The following TGS1 variants were observed in gnomAD, a reference collection of about 807,000 sequenced individuals.
TGS1 encodes trimethylguanosine synthase 1.
In TGS1, 69 loss-of-function variants were observed where a neutral mutation model predicts 92.2. That is an observed-to-expected ratio of 0.75 (90% CI 0.62 to 0.91). TGS1 has a LOEUF of 0.91. Among genes scored for constraint, TGS1 ranks in the 40% least tolerant of loss-of-function variants. TGS1 has a pLI of 0.00. For synonymous variants in TGS1, 345 were observed against 338.1 expected, an observed-to-expected ratio of 1.02 and a Z score of -0.22; for missense variants, 1,062 against 1,001.2, an observed-to-expected ratio of 1.06 and a Z score of -0.82.
rs777247343 is a variant in TGS1, at chr8:55,799,039, TAAA to T, written c.1672_1674del (p.Lys558del). On this transcript the variant is annotated inframe_deletion, in exon 8 of 13. Transcript: ENST00000260129. The stretch of plus-strand genomic sequence containing the variant: ...ATTCAGAGGAACAAGACATGTCTGT[TAAA>T]AAAGGTGATGACCTACTGGAGACTA... The T allele has an allele frequency of 1.2e-6, 2 of 1,614,150 alleles. No homozygotes were observed. Among genetic ancestry groups the T allele is most frequent in the Non-Finnish European group, 1.7e-6 (2 of 1,180,034 alleles).
At chr8:55,798,205 G>T (rs1812115039) in intron 7 of TGS1, among the ~76,000 whole-genome samples, 1 of 152,150 alleles carries the variant, frequency 6.6e-6, no homozygotes, top group South Asian at 2.1e-4. Context: ...CTGGGTTGTT[G>T]CCCATCATGT....
chr8:55,803,157 A>G (rs1812270017), intron 9 of TGS1, among the ~76,000 whole-genome samples: 2 of 151,972 alleles, frequency 1.3e-5, no homozygotes, highest in Admixed American at 6.6e-5. Context: ...GTGTATTTTT[A>G]AAATTTCAGA....
At chr8:55,780,375 A>G (rs1811530494) in intron 1 of TGS1, among the ~76,000 whole-genome samples, 1 of 151,946 alleles carries the variant, frequency 6.6e-6, no homozygotes, top group South Asian at 2.1e-4. Context: ...CTGACCTTGC[A>G]TAACCTGGGT....
At chr8:55,822,104 CTG>C (rs1227671444) in intron 12 of TGS1, among the ~76,000 whole-genome samples, 1 of 150,338 alleles carries the variant, frequency 6.7e-6, no homozygotes, top group Non-Finnish European at 1.5e-5. Context: ...GAGTCTCACT[CTG>C]TCGCCCAGGC....
intron 11 of TGS1, 31 bp downstream of exon 11, chr8:55,811,128 A>C (rs1803328744): frequency 6.6e-7 from 1 of 1,525,232 alleles, no homozygotes; most frequent in Non-Finnish European, 9.0e-7. Context: ...GAGTTTACTG[A>C]AACAATGATT....
chr8:55,779,691 T>C (rs1413654249), intron 1 of TGS1, among the ~76,000 whole-genome samples: 3 of 152,146 alleles, frequency 2.0e-5, no homozygotes, highest in Non-Finnish European at 4.4e-5. Flanking sequence ...TTATGAAATA[T>C]AAAAAGTTGA....
At chr8:55,777,289 GTTTTTT>G (rs35331898) in intron 1 of TGS1, among the ~76,000 whole-genome samples, 1 of 142,980 alleles carries the variant, frequency 7.0e-6, no homozygotes, top group East Asian at 2.0e-4. Context: ...GATTACAGGT[GTTTTTT>G]TTTTTTTTTA....
In TGS1 at chr8:55,773,544, T is replaced by G; in HGVS notation, c.-75T>G. The G allele has an allele frequency of 8.6e-7, 1 of 1,159,956 alleles. No homozygotes were observed. The highest frequency in any genetic ancestry group is 1.2e-6 in the Non-Finnish European group (1 of 801,212). 71.9% of individuals were successfully genotyped at this position (1,159,956 alleles called of 1,614,324 possible). A position where few individuals can be genotyped will look rare whatever the true frequency, so the allele number is the denominator to read the frequency against. The stretch of plus-strand genomic sequence containing the variant: ...GCTTGCGGGCGAGGCCTGTTTTAAG[T>G]CTCCAGTAACCGAGCGGAGGCCCGG... On this transcript the variant is annotated 5_prime_UTR_variant, in exon 1 of 13. Transcript: ENST00000260129.
rs567809471 is a variant in TGS1 at position 55,795,205 on chromosome 8, A to G, written c.1368-773A>G. 4.6e-5 allele frequency among the ~76,000 whole-genome samples: 7 copies of G among 152,326 alleles called. No individual in the cohort carries two copies. The South Asian group carries it at 1.4e-3, about 32-fold the overall frequency. On this transcript the variant is annotated intron_variant, in intron 6 of 12. Coordinates refer to ENST00000260129, the MANE Select transcript of TGS1 (RefSeq NM_024831.8). ...TGATAGTATACACTTGTAGAAATCTATTTCTTTTCTTGCCTGAGACTTAAC... is the reference window on the plus strand; with the variant it reads ...TGATAGTATACACTTGTAGAAATCTGTTTCTTTTCTTGCCTGAGACTTAAC...
In TGS1 at chr8:55,773,521, T is replaced by C. The variant is rs1811275647; in HGVS notation, c.-98T>C. ...CAGTTTCTATCTCCTCATCCAGGGCTTGCGGGCGAGGCCTGTTTTAAGTCT... is the reference window on the plus strand; with the variant it reads ...CAGTTTCTATCTCCTCATCCAGGGCCTGCGGGCGAGGCCTGTTTTAAGTCT... On this transcript the variant is annotated 5_prime_UTR_variant, in exon 1 of 13. Coordinates refer to ENST00000260129, the MANE Select transcript of TGS1 (RefSeq NM_024831.8). 1.2e-6 allele frequency: 1 copy of C among 859,662 alleles called. No homozygotes were observed. The highest frequency in any genetic ancestry group is 2.8e-5 in the Admixed American group (1 of 35,264). 53.3% of individuals were successfully genotyped at this position (859,662 alleles called of 1,614,324 possible).
chr8:55,821,690 G>A lies in TGS1; in HGVS notation c.2440-2891G>A, dbSNP rs925946612. Among the ~76,000 whole-genome samples, 6 of 151,910 alleles carry A rather than the reference G, an allele frequency of 3.9e-5. 1 individual carries two copies. The highest frequency in any genetic ancestry group is 4.1e-4 in the South Asian group (2 of 4,822). On this transcript the variant is annotated intron_variant, in intron 12 of 12. Transcript: ENST00000260129. ...AGATCGAGACCACCCTGGCTAACAC[G>A]GTGAAACCCTGTCTCTACTAAAAAT...
intron 12 of TGS1, among the ~76,000 whole-genome samples, chr8:55,816,592 A>G (rs896414984): frequency 6.6e-6 from 1 of 152,210 alleles, no homozygotes; most frequent in Non-Finnish European, 1.5e-5. Context: ...TCTTACCAAT[A>G]CAGAGAGCAG....
intron 1 of TGS1, among the ~76,000 whole-genome samples, chr8:55,780,364 T>A (rs972390073): frequency 2.0e-5 from 3 of 151,888 alleles, no homozygotes; most frequent in African/African-American, 7.3e-5. Flanking sequence ...AGAGGTGGGG[T>A]CTGACCTTGC....
At chr8:55,776,981 G>T (rs1318145701) in intron 1 of TGS1, among the ~76,000 whole-genome samples, 5 of 151,506 alleles carry the variant, frequency 3.3e-5, no homozygotes, top group African/African-American at 1.2e-4. Context: ...GTGGTTCTTG[G>T]GTGTTTTTTT....
chr8:55,790,128 GA>G, intron 4 of TGS1, 53 bp from the exon 5 acceptor site: 1 of 1,342,872 alleles, frequency 7.4e-7, no homozygotes, highest in Non-Finnish European at 1.1e-6. Flanking sequence ...GCAAATAGCA[GA>G]AAAGTTGTCA....
At chr8:55,801,432 A>C (rs1413235818) in intron 8 of TGS1, among the ~76,000 whole-genome samples, 1 of 147,258 alleles carries the variant, frequency 6.8e-6, no homozygotes, top group African/African-American at 2.6e-5. Context: ...CACCGTGCCC[A>C]GCTAATTTTT....
intron 11 of TGS1, among the ~76,000 whole-genome samples, chr8:55,811,449 G>A (rs1277040837): frequency 9.2e-5 from 14 of 151,650 alleles, no homozygotes; most frequent in East Asian, 3.9e-4. Context: ...GTGACAGAGC[G>A]GGACTCTGTC....
At chr8:55,816,869 T>A (rs75878235) in intron 12 of TGS1, among the ~76,000 whole-genome samples, 1 of 142,148 alleles carries the variant, frequency 7.0e-6, no homozygotes, top group Non-Finnish European at 1.5e-5. Flanking sequence ...TATTTATTTT[T>A]TTTTTTTTTG....
intron 8 of TGS1, 99 bp downstream of exon 8, chr8:55,799,319 A>G: frequency 8.8e-7 from 1 of 1,131,254 alleles, no homozygotes; most frequent in Non-Finnish European, 1.2e-6. Flanking sequence ...TTCTGTACCT[A>G]AGGAGTCACT....
Sources: gnomAD v4.1 joint callset for allele counts (sites outside exome capture counted in the v4.1 genomes callset) on GRCh38, gnomAD v4.1.1 for gene constraint, MANE v1.5 for transcripts, NCBI Gene and HGNC (gene_info 2026-07-23, HGNC 2026-07-21) for gene names.